LTBP1: variants seen among roughly 807,000 people sequenced by gnomAD.
LTBP1 encodes the protein latent-transforming growth factor beta-binding protein 1.
A neutral mutation model predicts 207.6 loss-of-function variants in LTBP1; 129 were observed. The ratio of observed to expected loss-of-function variants is 0.62; its 90% CI spans 0.54 to 0.72. The LOEUF (loss-of-function observed/expected upper bound fraction) is 0.72, where lower values mean the gene tolerates loss of function less well. LTBP1 is among the 30% of genes least tolerant of loss of function. The pLI is 0.00. For missense variants in LTBP1, 2,281 were observed against 2,217.2 expected, an observed-to-expected ratio of 1.03 and a Z score of -0.58; for synonymous variants, 963 against 833.7, an observed-to-expected ratio of 1.16 and a Z score of -2.67.
At chr2:33,058,769 A>G (rs1052848651) in intron 3 of LTBP1, among the ~76,000 whole-genome samples, 2 of 152,194 alleles carry the variant, frequency 1.3e-5, no homozygotes, top group African/African-American at 4.8e-5. Flanking sequence ...ATTCTGTTTC[A>G]CTGGTACTAA....
At chr2:33,279,358 C>T (rs757105876) in intron 18 of LTBP1, among the ~76,000 whole-genome samples, 1 of 151,970 alleles carries the variant, frequency 6.6e-6, no homozygotes, top group Non-Finnish European at 1.5e-5. Context: ...ATTTTTTTCT[C>T]CCCAAATTGG....
Position 32,947,615 on chromosome 2 carries a change from G to T in LTBP1, c.291G>T (p.Gly97=). 1 of 1,338,032 alleles carries T rather than the reference G, an allele frequency of 7.5e-7. No homozygotes were observed. The highest frequency in any genetic ancestry group is 9.5e-7 in the Non-Finnish European group (1 of 1,050,576). The allele number at this position is 1,338,032 out of a possible 1,614,324, so 82.9% of individuals were successfully genotyped here. A position where few individuals can be genotyped will look rare whatever the true frequency, so the allele number is the denominator to read the frequency against. Residue 97 remains glycine, a synonymous_variant, in exon 1 of 34, where the codon GGG becomes GGT. Coordinates refer to ENST00000404816, the MANE Select transcript of LTBP1 (RefSeq NM_206943.4). ...TSKPGGAALQ[G]LRPPPPPPPE... is the part of the protein sequence containing the mutation. ...AGCCGGGCGGCGCGGCCCTGCAGGG[G>T]CTCAGACCGCCGCCGCCGCCGCCGC...
intron 3 of LTBP1, among the ~76,000 whole-genome samples, chr2:33,082,431 ACTTTTTTTTTTTTTT>A (rs1482076763): frequency 4.3e-4 from 50 of 116,040 alleles, no homozygotes; most frequent in Middle Eastern, 4.8e-3. Context: ...AGTATGACTC[ACTTTTTTTTTTTTTT>A]TTTTTTTTTT....
At chr2:32,971,385 G>C (rs567125403) in intron 2 of LTBP1, among the ~76,000 whole-genome samples, 2 of 152,218 alleles carry the variant, frequency 1.3e-5, no homozygotes. Flanking sequence ...TCAAGGGTAT[G>C]CTTCCAGCTT....
chr2:33,239,659 G>T (rs187867657), intron 9 of LTBP1, among the ~76,000 whole-genome samples: 111 of 151,706 alleles, frequency 7.3e-4, no homozygotes, highest in African/African-American at 2.6e-3. Context: ...TTGGGAGGCC[G>T]AGGTGGGCGG....
Position 33,252,764 on chromosome 2 carries a change from A to T in LTBP1, c.2087A>T (p.His696Leu), listed in dbSNP as rs1258425975. The T allele has an allele frequency of 1.2e-6, 2 of 1,613,926 alleles. No individual in the cohort carries two copies. Among genetic ancestry groups the T allele is most frequent in the Non-Finnish European group, 8.5e-7 (1 of 1,179,916 alleles). ...CAGTGTATGCACCCTCTGTCTGTTCACCTCACCAAGCAGCTCTGCTGTTGT... is the reference window on the plus strand; with the variant it reads ...CAGTGTATGCACCCTCTGTCTGTTCTCCTCACCAAGCAGCTCTGCTGTTGT... ...GRQCMHPLSV[H>L]LTKQLCCCSV... Residue 696 changes from histidine (H) to leucine (L), a missense_variant, in exon 11 of 34, where the codon CAC becomes CTC. By Grantham distance (99) the His-to-Leu change is moderately conservative. This residue lies in a region of LTBP1 where 1,671 missense variants were observed against 1,634.8 expected (regional missense o/e 1.02). Coordinates refer to ENST00000404816, the MANE Select transcript of LTBP1 (RefSeq NM_206943.4).
At position 33,306,861 on chromosome 2, in the gene LTBP1, G is replaced by A. The variant is rs564225593; in HGVS notation, c.3482-2573G>A. Among the ~76,000 whole-genome samples, 26 of 152,188 alleles carry A rather than the reference G, an allele frequency of 1.7e-4. No individual in the cohort carries two copies. In the South Asian group the frequency reaches 3.3e-3, roughly 19 times the overall value. ...TCCCAGCACTTTGGGAGGCCGAGGC[G>A]GGTGGATCACAAGGTCAAGGGATCG... On this transcript the variant is annotated intron_variant, in intron 22 of 33. Coordinates refer to ENST00000404816, the MANE Select transcript of LTBP1 (RefSeq NM_206943.4).
chr2:33,093,430 G>T (rs2150052376), intron 3 of LTBP1, among the ~76,000 whole-genome samples: 1 of 151,954 alleles, frequency 6.6e-6, no homozygotes, highest in East Asian at 1.9e-4. Flanking sequence ...TACACAATTG[G>T]AACAATTCAA....
At chr2:33,393,234 C>CTTTTTTTTTTTT (rs569734292) in intron 32 of LTBP1, among the ~76,000 whole-genome samples, 1 of 48,744 alleles carries the variant, frequency 2.1e-5, no homozygotes, top group Non-Finnish European at 3.8e-5. Context: ...CCTTCTTCTT[C>CTTTTTTTTTTTT]TTTTTTTTTT....
intron 2 of LTBP1, among the ~76,000 whole-genome samples, chr2:33,019,586 C>T (rs1364746763): frequency 1.3e-5 from 2 of 152,052 alleles, no homozygotes; most frequent in African/African-American, 4.8e-5. Context: ...CCACCGGGCT[C>T]CGTCTCCCAA....
At chr2:33,177,462 C>T (rs1013597974) in intron 5 of LTBP1, among the ~76,000 whole-genome samples, 1 of 152,076 alleles carries the variant, frequency 6.6e-6, no homozygotes, top group Non-Finnish European at 1.5e-5. Context: ...CCAGCCTGGC[C>T]AACATGGTGA....
At chr2:33,201,783 C>G (rs1333653439) in intron 7 of LTBP1, among the ~76,000 whole-genome samples, 1 of 152,122 alleles carries the variant, frequency 6.6e-6, no homozygotes, top group Non-Finnish European at 1.5e-5. Flanking sequence ...TGTGAAAACT[C>G]TTTTTTCCTT....
At chr2:33,080,722 A>T (rs1384003625) in intron 3 of LTBP1, among the ~76,000 whole-genome samples, 2 of 152,200 alleles carry the variant, frequency 1.3e-5, no homozygotes, top group African/African-American at 4.8e-5. Flanking sequence ...TCTCAGCTGA[A>T]AAAGTTATAC....
intron 24 of LTBP1, among the ~76,000 whole-genome samples, chr2:33,320,955 A>T (rs111738598): frequency 6.6e-4 from 101 of 152,276 alleles, no homozygotes; most frequent in African/African-American, 2.4e-3. Context: ...TATTTTTGGC[A>T]TTACCTTTTT....
intron 2 of LTBP1, among the ~76,000 whole-genome samples, chr2:33,017,906 G>A (rs934743578): frequency 1.3e-5 from 2 of 152,190 alleles, no homozygotes; most frequent in African/African-American, 4.8e-5. Context: ...TATGTCAGAT[G>A]ACGGGCTTCT....
intron 3 of LTBP1, among the ~76,000 whole-genome samples, chr2:33,077,106 G>C (rs1382323586): frequency 6.6e-6 from 1 of 152,158 alleles, no homozygotes; most frequent in Non-Finnish European, 1.5e-5. Flanking sequence ...TGTCAGATGT[G>C]ATAGTGTAAG....
intron 2 of LTBP1, among the ~76,000 whole-genome samples, chr2:32,990,734 T>C: frequency 6.6e-6 from 1 of 152,226 alleles, no homozygotes; most frequent in South Asian, 2.1e-4. Context: ...GGAAAAGTTA[T>C]ATGTGTCATT....
chr2:33,374,550 A>T (rs1253927857), intron 31 of LTBP1, among the ~76,000 whole-genome samples: 1 of 152,232 alleles, frequency 6.6e-6, no homozygotes, highest in Non-Finnish European at 1.5e-5. Flanking sequence ...GAATATCTAT[A>T]AAACAGGCAA....
At chr2:33,328,521 G>A (rs1377757462) in intron 24 of LTBP1, among the ~76,000 whole-genome samples, 4 of 152,176 alleles carry the variant, frequency 2.6e-5, no homozygotes, top group Non-Finnish European at 5.9e-5. Context: ...GGAAGAGCAG[G>A]TACCTTCTTC....
Sources: allele counts gnomAD v4.1 joint callset (sites outside exome capture counted in the v4.1 genomes callset), GRCh38; gene constraint gnomAD v4.1.1; regional missense constraint gnomAD v4.1.1; transcripts MANE v1.5; gene names NCBI Gene and HGNC (gene_info 2026-07-23, HGNC 2026-07-21).